Variants in FHIT observed in about 807,000 individuals in gnomAD.
The protein encoded by FHIT is fragile histidine triad diadenosine triphosphatase.
Under a neutral mutation model 17.9 loss-of-function variants are expected in FHIT, and 19 were observed. The ratio of observed to expected loss-of-function variants is 1.06; its 90% CI spans 0.74 to 1.56. The LOEUF is 1.56. FHIT is among the 40% of genes most tolerant of loss of function. The probability of loss-of-function intolerance (pLI) is 0.00; values close to 1 mark genes in which losing one functional copy is unlikely to be tolerated. For synonymous variants in FHIT, 81 were observed against 69.7 expected, an observed-to-expected ratio of 1.16 and a Z score of -0.81; for missense variants, 248 against 189.2, an observed-to-expected ratio of 1.31 and a Z score of -1.82.
At chr3:59,983,850 C>T (rs919175050) in intron 7 of FHIT, among the ~76,000 whole-genome samples, 1 of 152,084 alleles carries the variant, frequency 6.6e-6, no homozygotes, top group Non-Finnish European at 1.5e-5. Context: ...TCCTGTATTA[C>T]CCCTGTGGCC....
chr3:59,832,069 C>T (rs528016811), intron 8 of FHIT, among the ~76,000 whole-genome samples: 57 of 151,952 alleles, frequency 3.8e-4, no homozygotes, highest in Non-Finnish European at 5.7e-4. Flanking sequence ...GATCCACTTG[C>T]CCCCCCATGA....
At chr3:59,938,991 C>T (rs1209508490) in intron 7 of FHIT, among the ~76,000 whole-genome samples, 1 of 152,102 alleles carries the variant, frequency 6.6e-6, no homozygotes. Flanking sequence ...ACACAGGGAG[C>T]CAGAGAGATT....
At chr3:59,905,147 G>T (rs1226809068) in intron 8 of FHIT, among the ~76,000 whole-genome samples, 1 of 152,208 alleles carries the variant, frequency 6.6e-6, no homozygotes, top group East Asian at 1.9e-4. Flanking sequence ...GCCTCCTGTT[G>T]CTATCAATTT....
intron 2 of FHIT, among the ~76,000 whole-genome samples, chr3:61,196,402 C>A (rs543712862): frequency 7.9e-5 from 12 of 152,024 alleles, no homozygotes; most frequent in Non-Finnish European, 1.5e-4. Flanking sequence ...TACTATAAAG[C>A]TTTTCAATTT....
At chr3:59,907,252 C>T (rs950839878) in intron 8 of FHIT, among the ~76,000 whole-genome samples, 8 of 152,170 alleles carry the variant, frequency 5.3e-5, no homozygotes, top group Admixed American at 6.5e-5. Context: ...TGTTACTTAG[C>T]GGTTTCAACT....
At chr3:60,324,577 A>T (rs1354265520) in intron 5 of FHIT, among the ~76,000 whole-genome samples, 1 of 151,902 alleles carries the variant, frequency 6.6e-6, no homozygotes, top group East Asian at 1.9e-4. Flanking sequence ...CCATCAGAAA[A>T]AAAAAAAAAA....
intron 3 of FHIT, among the ~76,000 whole-genome samples, chr3:60,988,927 C>CAAAT (rs2029904894): frequency 8.2e-5 from 2 of 24,468 alleles, no homozygotes; most frequent in South Asian, 2.2e-3. Flanking sequence ...TTTTTTTTTT[C>CAAAT]AAATGGCCAT....
rs1553680370 is a variant in FHIT, at chr3:60,624,922, TG to T, written c.-17-87944del. Among the ~76,000 whole-genome samples the T allele has an allele frequency of 3.3e-3, 504 of 152,218 alleles. 3 individuals are homozygous for T. Among genetic ancestry groups the T allele is most frequent in the African/African-American group, 0.012 (481 of 41,516 alleles). ...TTTTTTTTTTGTTTGTTTGTTTGTT[TG>T]TTTTTGAGACAGTCTTGCCCTGTTG... On this transcript the variant is annotated intron_variant, in intron 4 of 9. Transcript: ENST00000492590.
chr3:60,667,949 A>C (rs781951264), intron 4 of FHIT, among the ~76,000 whole-genome samples: 5 of 151,976 alleles, frequency 3.3e-5, no homozygotes, highest in Non-Finnish European at 5.9e-5. Flanking sequence ...GGCCTCAGGT[A>C]TCTCTCAGTG....
At chr3:60,562,249 C>T (rs372087591) in intron 4 of FHIT, among the ~76,000 whole-genome samples, 4 of 152,258 alleles carry the variant, frequency 2.6e-5, no homozygotes, top group African/African-American at 9.6e-5. Flanking sequence ...TACGGAAAGA[C>T]AGCAGTGAAC....
intron 5 of FHIT, among the ~76,000 whole-genome samples, chr3:60,177,686 C>T (rs993361359): frequency 6.6e-6 from 1 of 152,146 alleles, no homozygotes; most frequent in African/African-American, 2.4e-5. Flanking sequence ...TTTTACTGTG[C>T]ATTTAGCAAT....
chr3:60,952,670 T>A (rs1358304786), intron 3 of FHIT, among the ~76,000 whole-genome samples: 2 of 152,146 alleles, frequency 1.3e-5, no homozygotes, highest in African/African-American at 4.8e-5. Context: ...CCCCTTTTTC[T>A]TCCTGAAAAC....
At chr3:60,189,243 G>T (rs1196404617) in intron 5 of FHIT, among the ~76,000 whole-genome samples, 10 of 152,018 alleles carry the variant, frequency 6.6e-5, no homozygotes, top group African/African-American at 2.4e-4. Context: ...CTGGGGGTGG[G>T]GGGGAAAGAG....
intron 3 of FHIT, among the ~76,000 whole-genome samples, chr3:60,946,653 T>A (rs1394197068): frequency 1.3e-5 from 2 of 151,246 alleles, no homozygotes; most frequent in African/African-American, 4.9e-5. Context: ...TGTAGAAGAG[T>A]TTTATGGCAT....
chr3:60,172,443 T>A (rs925619519), intron 5 of FHIT, among the ~76,000 whole-genome samples: 2 of 151,780 alleles, frequency 1.3e-5, no homozygotes, highest in Admixed American at 6.6e-5. Flanking sequence ...TTTTGTATTT[T>A]TTTTTTTTTT....
At chr3:60,336,256 A>G (rs1710234749) in intron 5 of FHIT, among the ~76,000 whole-genome samples, 1 of 152,202 alleles carries the variant, frequency 6.6e-6, no homozygotes, top group Admixed American at 6.5e-5. Flanking sequence ...AAGCACTCAC[A>G]TTTTGCTGAT....
At chr3:60,446,913 G>T (rs2031377954) in intron 5 of FHIT, among the ~76,000 whole-genome samples, 2 of 149,944 alleles carry the variant, frequency 1.3e-5, no homozygotes, top group African/African-American at 2.4e-5. Context: ...AAGCCTTCAG[G>T]TATAAATCTA....
chr3:61,135,906 C>T lies in FHIT; in HGVS notation c.-164+64711G>A, dbSNP rs369411758. Among the ~76,000 whole-genome samples, 3 of 152,174 alleles carry T rather than the reference C, an allele frequency of 2.0e-5. No individual in the cohort carries two copies. The East Asian group carries it at 5.8e-4, about 29-fold the overall frequency. The stretch of plus-strand genomic sequence containing the variant: ...AGCTAGTTGAAGTCAAAAAAAGCAT[C>T]ATAAAGGGAAAAACTAAAAGCATCT... On this transcript the variant is annotated intron_variant, in intron 2 of 9. Coordinates refer to ENST00000492590, the MANE Select transcript of FHIT (RefSeq NM_002012.4).
At chr3:59,882,423 C>T (rs1318249137) in intron 8 of FHIT, among the ~76,000 whole-genome samples, 1 of 152,058 alleles carries the variant, frequency 6.6e-6, no homozygotes, top group African/African-American at 2.4e-5. Context: ...ATCGTTATAG[C>T]ACCTTGTTTT....
Sources: gnomAD v4.1 joint callset for allele counts (sites outside exome capture counted in the v4.1 genomes callset) on GRCh38, gnomAD v4.1.1 for gene constraint, MANE v1.5 for transcripts, NCBI Gene and HGNC (gene_info 2026-07-23, HGNC 2026-07-21) for gene names.